Variants in SLC41A2 observed in about 807,000 individuals in gnomAD.
The protein encoded by SLC41A2 is SLC41A1-like 1.
A neutral mutation model predicts 58.3 loss-of-function variants in SLC41A2; 32 were observed. The ratio of observed to expected loss-of-function variants is 0.55; its 90% CI spans 0.41 to 0.74. The LOEUF (loss-of-function observed/expected upper bound fraction) is 0.74. Among genes scored for constraint, SLC41A2 ranks in the 30% least tolerant of loss-of-function variants. The pLI is 0.00. For synonymous variants in SLC41A2, 190 were observed against 235.0 expected, an observed-to-expected ratio of 0.81 and a Z score of 1.75; for missense variants, 514 against 680.6, an observed-to-expected ratio of 0.76 and a Z score of 2.72.
rs139999568 is a variant in SLC41A2, at chr12:104,888,921, GT to G, written c.880+111del. ...AGGCATTTTTTAAGTTTGTAGATAT[GT>G]TTTTTCTGTTGTTTTCATAACAGGT... is the stretch of plus-strand genomic sequence containing the variant. On this transcript the variant is annotated intron_variant, in intron 5 of 10. Coordinates refer to ENST00000258538, the MANE Select transcript of SLC41A2 (RefSeq NM_001352171.3). 8,038 of 1,117,616 alleles carry G rather than the reference GT, an allele frequency of 7.2e-3. 396 individuals carry two copies. In the African/African-American group the frequency reaches 0.11, roughly 16 times the overall value. 69.2% of individuals were successfully genotyped at this position (1,117,616 alleles called of 1,614,324 possible). A position where few individuals can be genotyped will look rare whatever the true frequency, so the allele number is the denominator to read the frequency against.
intron 10 of SLC41A2, among the ~76,000 whole-genome samples, chr12:104,821,352 A>T (rs948272410): frequency 9.2e-5 from 14 of 152,186 alleles, no homozygotes; most frequent in African/African-American, 3.4e-4. Context: ...TCTTTACAAA[A>T]TAAACTCTTA....
At chr12:104,908,412 T>G (rs1026998703) in intron 3 of SLC41A2, among the ~76,000 whole-genome samples, 1 of 152,192 alleles carries the variant, frequency 6.6e-6, no homozygotes, top group African/African-American at 2.4e-5. Context: ...GGACAGAGGG[T>G]GGAGAGTCCT....
intron 10 of SLC41A2, among the ~76,000 whole-genome samples, chr12:104,828,574 C>A (rs576367730): frequency 6.6e-6 from 1 of 152,150 alleles, no homozygotes; most frequent in Non-Finnish European, 1.5e-5. Flanking sequence ...AGCTCCACAG[C>A]CTGCCCATCT....
chr12:104,933,605 C>T (rs2047151130), intron 1 of SLC41A2, among the ~76,000 whole-genome samples: 2 of 152,026 alleles, frequency 1.3e-5, no homozygotes, highest in Non-Finnish European at 1.5e-5. Flanking sequence ...TATTACAGCA[C>T]AACTCACAAT....
chr12:104,914,355 C>A (rs2046220037), intron 2 of SLC41A2, among the ~76,000 whole-genome samples: 1 of 152,120 alleles, frequency 6.6e-6, no homozygotes, highest in South Asian at 2.1e-4. Flanking sequence ...GTATAAGTAC[C>A]TGTTTGGCAC....
At chr12:104,895,218 A>C in intron 4 of SLC41A2, 56 bp downstream of exon 4, 2 of 1,273,496 alleles carry the variant, frequency 1.6e-6, no homozygotes, top group Non-Finnish European at 2.3e-6. Context: ...AATCTTATAG[A>C]TTACAGTCAA....
chr12:104,939,724 C>A (rs1019322963), intron 1 of SLC41A2, among the ~76,000 whole-genome samples: 7 of 152,000 alleles, frequency 4.6e-5, no homozygotes, highest in African/African-American at 1.7e-4. Flanking sequence ...CAGAGTTTAA[C>A]ATTTTGTTTT....
At chr12:104,807,973 G>C (rs76729542) in intron 10 of SLC41A2, among the ~76,000 whole-genome samples, 1 of 152,128 alleles carries the variant, frequency 6.6e-6, no homozygotes, top group Non-Finnish European at 1.5e-5. Flanking sequence ...GGGCTGAGAC[G>C]ATGGGGTTTT....
intron 8 of SLC41A2, among the ~76,000 whole-genome samples, chr12:104,848,701 T>C (rs2042694782): frequency 6.6e-6 from 1 of 152,072 alleles, no homozygotes; most frequent in East Asian, 1.9e-4. Flanking sequence ...ATAACCAAAT[T>C]TGATTTATCC....
intron 10 of SLC41A2, among the ~76,000 whole-genome samples, chr12:104,823,791 T>TA (rs1320233113): frequency 6.6e-6 from 1 of 152,198 alleles, no homozygotes; most frequent in Non-Finnish European, 1.5e-5. Flanking sequence ...CTTCTGCTCT[T>TA]AAAATACATG....
intron 1 of SLC41A2, among the ~76,000 whole-genome samples, chr12:104,957,751 G>T (rs559674103): frequency 1.3e-5 from 2 of 152,200 alleles, no homozygotes; most frequent in Admixed American, 1.3e-4. Context: ...CAGCCTCGCA[G>T]CATCTCCATC....
intron 3 of SLC41A2, among the ~76,000 whole-genome samples, chr12:104,900,618 CA>C (rs1182458498): frequency 2.0e-5 from 3 of 152,134 alleles, no homozygotes; most frequent in Admixed American, 6.5e-5. Flanking sequence ...TTCTACTCCA[CA>C]AAGCTATGGC....
chr12:104,872,562 C>T (rs1488938184), intron 6 of SLC41A2, among the ~76,000 whole-genome samples: 1 of 151,992 alleles, frequency 6.6e-6, no homozygotes, highest in African/African-American at 2.4e-5. Flanking sequence ...GGCAAAATCC[C>T]GTCTCTACTA....
chr12:104,876,569 G>GT (rs2044056628), intron 6 of SLC41A2, among the ~76,000 whole-genome samples: 2 of 151,848 alleles, frequency 1.3e-5, no homozygotes, highest in Admixed American at 6.6e-5. Flanking sequence ...GAATTTTCCA[G>GT]TTTTTTTCCT....
chr12:104,868,290 T>C (rs1445146667), intron 6 of SLC41A2, among the ~76,000 whole-genome samples: 5 of 152,224 alleles, frequency 3.3e-5, no homozygotes, highest in South Asian at 4.1e-4. Flanking sequence ...ACAAAATGCA[T>C]TGAAAACCAC....
chr12:104,849,138 G>C lies in SLC41A2; in HGVS notation c.1256-3164C>G, dbSNP rs186274414. Among the ~76,000 whole-genome samples the C allele has an allele frequency of 2.5e-3, 381 of 152,188 alleles. 1 individual carries two copies. Among genetic ancestry groups the C allele is most frequent in the Middle Eastern group, 0.014 (4 of 294 alleles). On this transcript the variant is annotated intron_variant, in intron 8 of 10. Transcript: ENST00000258538. Reference sequence around the variant, plus strand: ...CAAGATGATAACGAATGGATGAAAAGGATTTTTTAACAAAATAGATAAATT... The same window carrying C: ...CAAGATGATAACGAATGGATGAAAACGATTTTTTAACAAAATAGATAAATT...
chr12:104,892,322 A>AAATAAAT (rs1387568024), intron 4 of SLC41A2, among the ~76,000 whole-genome samples: 2 of 145,772 alleles, frequency 1.4e-5, no homozygotes, highest in Non-Finnish European at 3.0e-5. Flanking sequence ...AAAATAAAAT[A>AAATAAAT]AAATAAAATA....
At chr12:104,808,562 C>T (rs1409597435) in intron 10 of SLC41A2, among the ~76,000 whole-genome samples, 2 of 152,184 alleles carry the variant, frequency 1.3e-5, no homozygotes, top group African/African-American at 2.4e-5. Context: ...GCTTTGGTAT[C>T]AGGATGATGC....
intron 10 of SLC41A2, among the ~76,000 whole-genome samples, chr12:104,818,600 C>T (rs909972992): frequency 3.3e-5 from 5 of 152,074 alleles, no homozygotes; most frequent in African/African-American, 1.2e-4. Context: ...ACAGGACAGC[C>T]GGGTGCGGTG....
Sources: allele counts gnomAD v4.1 joint callset (sites outside exome capture counted in the v4.1 genomes callset), GRCh38; gene constraint gnomAD v4.1.1; transcripts MANE v1.5; gene names NCBI Gene and HGNC (gene_info 2026-07-23, HGNC 2026-07-21).